PRRC2C: variants seen among roughly 807,000 people sequenced by gnomAD.
PRRC2C encodes proline rich coiled-coil 2C.
A neutral mutation model predicts 317.2 loss-of-function variants in PRRC2C; 72 were observed. The observed-to-expected ratio is 0.23, with a 90% CI of 0.19 to 0.28. The LOEUF (loss-of-function observed/expected upper bound fraction) is 0.28, where lower values mean the gene tolerates loss of function less well. PRRC2C is among the 10% of genes least tolerant of loss of function. PRRC2C has a pLI of 1.00. For missense variants in PRRC2C, 3,074 were observed against 3,459.7 expected (o/e 0.89, Z 2.80); for synonymous variants, 1,296 against 1,205.9 (o/e 1.07, Z -1.55).
intron 12 of PRRC2C, among the ~76,000 whole-genome samples, chr1:171,534,137 A>G (rs1676380224): frequency 6.6e-6 from 1 of 152,160 alleles, no homozygotes; most frequent in African/African-American, 2.4e-5. Context: ...TAATTTAACT[A>G]TAAAGGAGTA....
intron 1 of PRRC2C, among the ~76,000 whole-genome samples, chr1:171,499,705 G>C (rs1267287623): frequency 6.6e-6 from 1 of 152,202 alleles, no homozygotes; most frequent in Admixed American, 6.5e-5. Context: ...TCTGGAGGCT[G>C]AGGCAGGAGA....
chr1:171,519,889 C>G (rs1174417838), intron 6 of PRRC2C, among the ~76,000 whole-genome samples: 1 of 152,002 alleles, frequency 6.6e-6, no homozygotes, highest in Non-Finnish European at 1.5e-5. Context: ...CTGTATTGTT[C>G]CAATTTTGCT....
chr1:171,541,175 C>T lies in PRRC2C; in HGVS notation c.3709C>T (p.Pro1237Ser). The change falls in exon 16 of 35, where the codon CCT becomes TCT. Residue 1237 changes from proline to serine, a missense_variant. Physicochemically the swap from Pro to Ser is moderately conservative, Grantham distance 74. Transcript: ENST00000647382. The surrounding 1 kb of genome is among the most constrained non-coding windows in gnomAD (Gnocchi z 4.1). The stretch of plus-strand genomic sequence containing the variant: ...AAGAGCAGAGCATATACCCTCAGGG[C>T]CTCTCAGACAGCGAGAAGAAAGTGA... The part of the protein sequence containing the change: ...KPRAEHIPSG[P>S]LRQREESETR... 3.7e-6 allele frequency: 6 copies of T among 1,612,720 alleles called. No individual in the cohort carries two copies. Among genetic ancestry groups the T allele is most frequent in the Non-Finnish European group, 5.1e-6 (6 of 1,179,518 alleles).
intron 17 of PRRC2C, among the ~76,000 whole-genome samples, chr1:171,547,997 G>A (rs968638585): frequency 1.3e-5 from 2 of 151,536 alleles, no homozygotes; most frequent in African/African-American, 2.4e-5. Context: ...GTAATGTCTC[G>A]CCCTGTCACC....
At chr1:171,496,199 CTTT>C (rs528654548) in intron 1 of PRRC2C, among the ~76,000 whole-genome samples, 1,459 of 75,556 alleles carry the variant, frequency 0.019, 7 homozygotes, top group Non-Finnish European at 0.026. Flanking sequence ...ATTTTTGTGC[CTTT>C]TTTTTTTTTT....
Position 171,536,100 on chromosome 1 carries a change from A to G in PRRC2C, c.2115A>G (p.Gln705=). The part of the protein sequence containing the change: ...QGVLPQTVPS[Q]PSSSTVPPPP... ...TACTTCCACAGACTGTTCCTTCACA[A>G]CCGTCCAGTAGTACTGTCCCTCCTC... is the stretch of plus-strand genomic sequence containing the variant. Residue 705 remains glutamine (Q), a synonymous_variant, in exon 14 of 35, where the codon CAA becomes CAG. Coordinates refer to ENST00000647382, the MANE Select transcript of PRRC2C (RefSeq NM_001387844.1). 1 of 1,560,780 alleles carries G rather than the reference A, an allele frequency of 6.4e-7. No homozygotes were observed. The highest frequency in any genetic ancestry group is 1.2e-5 in the South Asian group (1 of 84,886).
Position 171,589,361 on chromosome 1 carries a change from T to C in PRRC2C, c.8200-8T>C, listed in dbSNP as rs1650841559. The stretch of plus-strand genomic sequence containing the variant: ...TTCAATGTTGTATGTTTTGTTTTTT[T>C]CACTCAGATTCTCTCCCAGCCTAAC... On this transcript the variant is annotated splice_polypyrimidine_tract_variant and splice_region_variant and intron_variant, in intron 33 of 34. Coordinates refer to ENST00000647382, the MANE Select transcript of PRRC2C (RefSeq NM_001387844.1). 8.2e-7 allele frequency: 1 copy of C among 1,225,522 alleles called. No homozygotes were observed. Among genetic ancestry groups the C allele is most frequent in the Non-Finnish European group, 1.1e-6 (1 of 932,094 alleles). 75.9% of individuals were successfully genotyped at this position (1,225,522 alleles called of 1,614,324 possible).
intron 28 of PRRC2C, among the ~76,000 whole-genome samples, chr1:171,583,375 G>GA (rs1649141792): frequency 7.1e-3 from 1 of 140 alleles, no homozygotes; most frequent in East Asian, 0.17. Context: ...CATTAGGCTA[G>GA]GCTACGCAGG....
At chr1:171,581,640 A>G (rs1007722679) in intron 28 of PRRC2C, among the ~76,000 whole-genome samples, 1 of 152,194 alleles carries the variant, frequency 6.6e-6, no homozygotes, top group African/African-American at 2.4e-5. Flanking sequence ...CCTAATCAGC[A>G]TAGTGTTTAT....
At chr1:171,516,605 A>G (rs1672413343) in intron 5 of PRRC2C, among the ~76,000 whole-genome samples, 1 of 152,214 alleles carries the variant, frequency 6.6e-6, no homozygotes, top group African/African-American at 2.4e-5. Context: ...CCAGTTGTCT[A>G]TTGCTGCATA....
chr1:171,554,169 A>G (rs1229483192), intron 18 of PRRC2C, among the ~76,000 whole-genome samples: 1 of 152,200 alleles, frequency 6.6e-6, no homozygotes, highest in Non-Finnish European at 1.5e-5. Flanking sequence ...GGGTGCATAT[A>G]TATTTAGAAT....
Position 171,580,297 on chromosome 1 carries a change from T to C in PRRC2C, c.7409+333T>C, listed in dbSNP as rs976009362. Among the ~76,000 whole-genome samples the C allele has an allele frequency of 2.0e-5, 3 of 152,176 alleles. No homozygotes were observed. The East Asian group carries it at 5.8e-4, about 29-fold the overall frequency. On this transcript the variant is annotated intron_variant, in intron 28 of 34. Coordinates refer to ENST00000647382, the MANE Select transcript of PRRC2C (RefSeq NM_001387844.1). Reference sequence around the variant, plus strand: ...CCAAAAACTATAAATCTGAATCTCCTCTATGTACGAGCTGAGGCATGGCAG... The same window carrying C: ...CCAAAAACTATAAATCTGAATCTCCCCTATGTACGAGCTGAGGCATGGCAG...
chr1:171,559,835 T>A (rs533026967), intron 19 of PRRC2C, among the ~76,000 whole-genome samples: 1 of 152,300 alleles, frequency 6.6e-6, no homozygotes, highest in African/African-American at 2.4e-5. Flanking sequence ...CCTATTATTT[T>A]TAAGCCCACT....
At chr1:171,565,569 T>C (rs574704349) in intron 20 of PRRC2C, among the ~76,000 whole-genome samples, 19 of 152,334 alleles carry the variant, frequency 1.2e-4, no homozygotes, top group African/African-American at 4.6e-4. Flanking sequence ...TGCATCAGCC[T>C]CCTGAGTAGC....
intron 6 of PRRC2C, among the ~76,000 whole-genome samples, chr1:171,519,131 G>A (rs551489964): frequency 6.6e-6 from 1 of 152,022 alleles, no homozygotes; most frequent in Non-Finnish European, 1.5e-5. Flanking sequence ...TGATCCACCC[G>A]CCTCAGCCTC....
At position 171,514,523 on chromosome 1, in the gene PRRC2C, A is replaced by ATT; in HGVS notation, c.291-5_291-4dup. On this transcript the variant is annotated splice_polypyrimidine_tract_variant and intron_variant, in intron 3 of 34. Transcript: ENST00000647382. Reference sequence around the variant, plus strand: ...ACAGTATCTGAAATAATGGATTCATATTTTTTTTTAAGAACACCAGAAGTG... The same window carrying ATT: ...ACAGTATCTGAAATAATGGATTCATATTTTTTTTTTTAAGAACACCAGAAGTG... The ATT allele has an allele frequency of 2.0e-6, 3 of 1,489,706 alleles. No homozygotes were observed. Among genetic ancestry groups the ATT allele is most frequent in the Non-Finnish European group, 1.8e-6 (2 of 1,097,682 alleles). 92.3% of individuals were successfully genotyped at this position (1,489,706 alleles called of 1,614,324 possible).
chr1:171,539,125 C>T (rs1249693754), intron 15 of PRRC2C, among the ~76,000 whole-genome samples: 1 of 152,116 alleles, frequency 6.6e-6, no homozygotes, highest in Non-Finnish European at 1.5e-5. Flanking sequence ...CCTCAGCCTC[C>T]CTAGTAGCTG....
intron 17 of PRRC2C, among the ~76,000 whole-genome samples, chr1:171,548,833 A>T (rs1031267222): frequency 6.6e-6 from 1 of 152,146 alleles, no homozygotes; most frequent in African/African-American, 2.4e-5. Context: ...CAGCTTACAC[A>T]TTTATTTTAA....
chr1:171,506,493 T>G (rs1006927231), intron 1 of PRRC2C, among the ~76,000 whole-genome samples: 17 of 152,248 alleles, frequency 1.1e-4, no homozygotes, highest in Admixed American at 6.5e-4. Context: ...TTCATCAAAT[T>G]TGTACCATTT....
Sources: gnomAD v4.1 joint callset for allele counts (sites outside exome capture counted in the v4.1 genomes callset) on GRCh38, gnomAD v4.1.1 for gene constraint, Gnocchi (gnomAD v3.1) non-coding constraint, MANE v1.5 for transcripts, NCBI Gene and HGNC (gene_info 2026-07-23, HGNC 2026-07-21) for gene names.